ATP9A: variants seen among roughly 807,000 people sequenced by gnomAD.
ATP9A encodes ATPase phospholipid transporting 9A, also known as probable phospholipid-transporting ATPase IIA.
ATP9A carries 52 observed loss-of-function variants against 144.1 expected under a neutral mutation model. That is an observed-to-expected ratio of 0.36 (90% CI 0.29 to 0.45). The LOEUF is 0.45. ATP9A is among the 20% of genes least tolerant of loss of function. The pLI is 1.00. For synonymous variants in ATP9A, 582 were observed against 557.4 expected, an observed-to-expected ratio of 1.04 and a Z score of -0.62; for missense variants, 947 against 1,392.7, an observed-to-expected ratio of 0.68 and a Z score of 5.09.
At chr20:51,730,434 C>T (rs183441694) in intron 1 of ATP9A, among the ~76,000 whole-genome samples, 12 of 152,332 alleles carry the variant, frequency 7.9e-5, no homozygotes, top group African/African-American at 2.4e-4. Context: ...CACCACTGCA[C>T]TCCAGCCTGG....
At position 51,598,756 on chromosome 20, in the gene ATP9A, A is replaced by C. The variant is rs1416190532; in HGVS notation, c.*2455T>G. On this transcript the variant is annotated 3_prime_UTR_variant, in exon 28 of 28. Transcript: ENST00000338821. ...TGCCTTTGCGTCTCCAGTGTCTGAG[A>C]AGCACGGTGTGTGCATTCCTAGGTG... is the stretch of plus-strand genomic sequence containing the variant. 1.3e-5 allele frequency: 2 copies of C among 152,246 alleles called. No homozygotes were observed. The highest frequency in any genetic ancestry group is 4.8e-5 in the African/African-American group (2 of 41,448). 9.4% of individuals were successfully genotyped at this position (152,246 alleles called of 1,614,324 possible).
chr20:51,752,480 A>T (rs2077836706), intron 1 of ATP9A, among the ~76,000 whole-genome samples: 1 of 152,232 alleles, frequency 6.6e-6, no homozygotes, highest in African/African-American at 2.4e-5. Context: ...TGCTCAGGAA[A>T]TATTTATGGA....
chr20:51,674,217 C>A lies in ATP9A; in HGVS notation c.973G>T (p.Ala325Ser), dbSNP rs779879564. 2.5e-6 allele frequency: 4 copies of A among 1,614,000 alleles called. No individual in the cohort carries two copies. The highest frequency in any genetic ancestry group is 3.4e-6 in the Non-Finnish European group (4 of 1,180,016). The stretch of plus-strand genomic sequence containing the variant: ...ATGATCTGCAGGTACCAACGGCCTG[C>A]AAAGTGCTGAAGGGCAACCATGACC... ...SLVMVALQHF[A>S]GRWYLQIIRF... The change falls in exon 11 of 28, where the codon GCA becomes TCA. Residue 325 changes from alanine to serine, a missense_variant. Around this residue, in one of 2 missense-constraint regions of ATP9A, gnomAD observed 770 missense variants for 1,047.9 expected, o/e 0.73. Transcript: ENST00000338821.
chr20:51,635,310 T>G (rs1039458968), intron 15 of ATP9A, among the ~76,000 whole-genome samples: 1 of 152,034 alleles, frequency 6.6e-6, no homozygotes, highest in African/African-American at 2.4e-5. Context: ...CACTGACGTC[T>G]GTATGTGGGT....
chr20:51,760,420 A>G (rs781696145), intron 1 of ATP9A, among the ~76,000 whole-genome samples: 11 of 152,142 alleles, frequency 7.2e-5, no homozygotes, highest in Non-Finnish European at 1.2e-4. Flanking sequence ...GCTCACAACG[A>G]CTGAAATAAA....
At chr20:51,742,648 G>A (rs1460874749) in intron 1 of ATP9A, among the ~76,000 whole-genome samples, 1 of 152,150 alleles carries the variant, frequency 6.6e-6, no homozygotes, top group African/African-American at 2.4e-5. Flanking sequence ...CCAAGCAGCT[G>A]GGATTACAGG....
chr20:51,756,696 T>A (rs1027359178), intron 1 of ATP9A, among the ~76,000 whole-genome samples: 1 of 152,148 alleles, frequency 6.6e-6, no homozygotes, highest in Non-Finnish European at 1.5e-5. Context: ...AGGCCCCCTG[T>A]CTCCAAATGC....
chr20:51,612,413 C>T (rs1254833096), intron 23 of ATP9A, among the ~76,000 whole-genome samples: 1 of 152,182 alleles, frequency 6.6e-6, no homozygotes, highest in Non-Finnish European at 1.5e-5. Flanking sequence ...TTGCTACAGA[C>T]TGATGGCAAA....
intron 18 of ATP9A, among the ~76,000 whole-genome samples, chr20:51,622,773 G>C (rs1034320422): frequency 2.0e-5 from 3 of 152,144 alleles, no homozygotes; most frequent in African/African-American, 4.8e-5. Flanking sequence ...CCCAGAATCC[G>C]GGTCTTTAGA....
chr20:51,748,920 T>C (rs1297052791), intron 1 of ATP9A, among the ~76,000 whole-genome samples: 1 of 128,678 alleles, frequency 7.8e-6, no homozygotes, highest in Non-Finnish European at 1.6e-5. Flanking sequence ...GATAGATAGA[T>C]AGATAGATAG....
intron 10 of ATP9A, among the ~76,000 whole-genome samples, chr20:51,675,861 C>T (rs1601097397): frequency 7.7e-6 from 1 of 129,354 alleles, no homozygotes; most frequent in Non-Finnish European, 1.6e-5. Flanking sequence ...GCCTGAGCAA[C>T]AAAGTGAGAC....
At chr20:51,671,989 G>C (rs1298795218) in intron 11 of ATP9A, among the ~76,000 whole-genome samples, 1 of 151,806 alleles carries the variant, frequency 6.6e-6, no homozygotes, top group Non-Finnish European at 1.5e-5. Flanking sequence ...TAGTAGAGAT[G>C]GGGTTTCACC....
chr20:51,758,579 G>A (rs1345273577), intron 1 of ATP9A, among the ~76,000 whole-genome samples: 2 of 152,164 alleles, frequency 1.3e-5, no homozygotes, highest in African/African-American at 2.4e-5. Context: ...CCATCTCCTT[G>A]CGGACTGGAC....
chr20:51,744,469 T>C (rs1477877422), intron 1 of ATP9A, among the ~76,000 whole-genome samples: 1 of 152,130 alleles, frequency 6.6e-6, no homozygotes, highest in Non-Finnish European at 1.5e-5. Context: ...GCCTAGACCA[T>C]TTATATAAAG....
chr20:51,707,354 G>A (rs2077618815), intron 4 of ATP9A, among the ~76,000 whole-genome samples: 1 of 152,034 alleles, frequency 6.6e-6, no homozygotes, highest in Non-Finnish European at 1.5e-5. Context: ...TCTCTCTGAT[G>A]GACTCCCATC....
chr20:51,629,796 T>C (rs1263282221), intron 15 of ATP9A, among the ~76,000 whole-genome samples: 1 of 152,178 alleles, frequency 6.6e-6, no homozygotes. Context: ...AGTACCAGTT[T>C]CTAGTTGTGT....
chr20:51,613,908 C>T (rs1374835044), intron 22 of ATP9A, 76 bp from the exon 23 acceptor site: 2 of 1,432,330 alleles, frequency 1.4e-6, no homozygotes, highest in Non-Finnish European at 1.9e-6. Context: ...ACTGAAAAAG[C>T]AAGACATTGT....
At chr20:51,743,379 C>T (rs1278981941) in intron 1 of ATP9A, among the ~76,000 whole-genome samples, 1 of 148,858 alleles carries the variant, frequency 6.7e-6, no homozygotes. Context: ...GGGAGATGGG[C>T]TGCAAGACCG....
At chr20:51,727,369 T>G (rs1195964412) in intron 2 of ATP9A, among the ~76,000 whole-genome samples, 5 of 151,538 alleles carry the variant, frequency 3.3e-5, no homozygotes, top group African/African-American at 1.2e-4. Context: ...GCAAATGGCT[T>G]GAGCTCAAGA....
Sources: gnomAD v4.1 joint callset for allele counts (sites outside exome capture counted in the v4.1 genomes callset) on GRCh38, gnomAD v4.1.1 for gene constraint, gnomAD v4.1.1 regional missense constraint, MANE v1.5 for transcripts, NCBI Gene and HGNC (gene_info 2026-07-23, HGNC 2026-07-21) for gene names.